Variants in ST6GALNAC3 observed in about 807,000 individuals in gnomAD.
ST6GALNAC3 encodes the protein ST6 N-acetylgalactosaminide alpha-2,6-sialyltransferase 3.
Under a neutral mutation model 32.7 loss-of-function variants are expected in ST6GALNAC3, and 25 were observed. The ratio of observed to expected loss-of-function variants is 0.76; its 90% CI spans 0.56 to 1.07. The LOEUF (loss-of-function observed/expected upper bound fraction) is 1.07. Among genes scored for constraint, ST6GALNAC3 ranks in the 50% least tolerant of loss-of-function variants. The pLI, the probability that ST6GALNAC3 is intolerant of heterozygous loss-of-function variation, is 0.00. For missense variants in ST6GALNAC3, 355 were observed against 382.4 expected (o/e 0.93, Z 0.60); for synonymous variants, 129 against 133.1 (o/e 0.97, Z 0.21).
At chr1:76,129,045 T>C (rs1189717228) in intron 1 of ST6GALNAC3, among the ~76,000 whole-genome samples, 1 of 152,148 alleles carries the variant, frequency 6.6e-6, no homozygotes, top group East Asian at 1.9e-4. Flanking sequence ...TCCCCAAACC[T>C]CTCTGCCCTG....
intron 2 of ST6GALNAC3, among the ~76,000 whole-genome samples, chr1:76,390,684 A>G (rs1405897302): frequency 6.6e-6 from 1 of 152,086 alleles, no homozygotes; most frequent in South Asian, 2.1e-4. Flanking sequence ...ACCATTGTGT[A>G]CCTCACAGCT....
intron 1 of ST6GALNAC3, among the ~76,000 whole-genome samples, chr1:76,157,666 A>G (rs902141551): frequency 6.6e-6 from 1 of 152,140 alleles, no homozygotes; most frequent in Non-Finnish European, 1.5e-5. Context: ...TTTAAAGTTT[A>G]TATATGTTAA....
chr1:76,200,222 A>G (rs567209299), intron 1 of ST6GALNAC3, among the ~76,000 whole-genome samples: 142 of 152,316 alleles, frequency 9.3e-4, no homozygotes, highest in Non-Finnish European at 1.7e-3. Context: ...AATTGGCTCT[A>G]TCATATTCCC....
intron 2 of ST6GALNAC3, among the ~76,000 whole-genome samples, chr1:76,319,058 T>C (rs1306330621): frequency 6.6e-6 from 1 of 152,204 alleles, no homozygotes; most frequent in Non-Finnish European, 1.5e-5. Context: ...CATTTACTGC[T>C]AGATGAAAGG....
chr1:76,284,360 G>A (rs775320952), intron 1 of ST6GALNAC3, among the ~76,000 whole-genome samples: 1 of 152,170 alleles, frequency 6.6e-6, no homozygotes, highest in Non-Finnish European at 1.5e-5. Context: ...GTAAGAAAAT[G>A]TTTATGAGGG....
At position 76,106,544 on chromosome 1, in the gene ST6GALNAC3, C is replaced by T. The variant is rs184342806; in HGVS notation, c.18+31660C>T. 7.9e-5 allele frequency among the ~76,000 whole-genome samples: 12 copies of T among 152,234 alleles called. No individual in the cohort carries two copies. The East Asian group carries it at 2.1e-3, about 27-fold the overall frequency. ...TAATTGTGTTTTCCATTTGATGGCC[C>T]CCAATGCTTTGTGTAGGAATTGGAT... is the stretch of plus-strand genomic sequence containing the variant. On this transcript the variant is annotated intron_variant, in intron 1 of 4. Coordinates refer to ENST00000328299, the MANE Select transcript of ST6GALNAC3 (RefSeq NM_152996.4).
chr1:76,418,088 G>C (rs1005001210), intron 3 of ST6GALNAC3, among the ~76,000 whole-genome samples: 1 of 152,084 alleles, frequency 6.6e-6, no homozygotes, highest in East Asian at 1.9e-4. Context: ...AGAAATCAGC[G>C]ATGTGTCATT....
chr1:76,233,488 A>G (rs1350540233), intron 1 of ST6GALNAC3, among the ~76,000 whole-genome samples: 1 of 152,224 alleles, frequency 6.6e-6, no homozygotes. Flanking sequence ...TCTACAGGAC[A>G]GTGAAGAATT....
chr1:76,495,799 C>A (rs1041551847), intron 3 of ST6GALNAC3, among the ~76,000 whole-genome samples: 1 of 152,060 alleles, frequency 6.6e-6, no homozygotes, highest in East Asian at 1.9e-4. Flanking sequence ...GATCTTGGAA[C>A]CCAGTGGGAA....
intron 3 of ST6GALNAC3, among the ~76,000 whole-genome samples, chr1:76,594,698 A>C (rs1647104794): frequency 6.6e-6 from 1 of 152,254 alleles, no homozygotes; most frequent in East Asian, 1.9e-4. Context: ...GGGCTCTTTA[A>C]CCTCTTTGAT....
chr1:76,628,890 G>T lies in ST6GALNAC3; in HGVS notation c.*84G>T. 1 of 1,566,160 alleles carries T rather than the reference G, an allele frequency of 6.4e-7. No homozygotes were observed. Among genetic ancestry groups the T allele is most frequent in the Non-Finnish European group, 8.6e-7 (1 of 1,164,248 alleles). ...TGCTGATGATGCTAATGGAGATGATGGTAATGATAAAGACAACAACAATGA... is the reference window on the plus strand; with the variant it reads ...TGCTGATGATGCTAATGGAGATGATTGTAATGATAAAGACAACAACAATGA... On this transcript the variant is annotated 3_prime_UTR_variant, in exon 5 of 5. Transcript: ENST00000328299.
intron 1 of ST6GALNAC3, among the ~76,000 whole-genome samples, chr1:76,245,161 G>T (rs1657186765): frequency 6.6e-6 from 1 of 152,094 alleles, no homozygotes; most frequent in African/African-American, 2.4e-5. Context: ...TTACTCTTGG[G>T]AGGGTGTATG....
At chr1:76,533,885 T>C (rs2101828532) in intron 3 of ST6GALNAC3, among the ~76,000 whole-genome samples, 1 of 152,270 alleles carries the variant, frequency 6.6e-6, no homozygotes, top group Non-Finnish European at 1.5e-5. Flanking sequence ...CCTTTCCCCC[T>C]CCCTGCAGAG....
intron 1 of ST6GALNAC3, among the ~76,000 whole-genome samples, chr1:76,206,169 C>T (rs1043448918): frequency 1.3e-5 from 2 of 152,086 alleles, no homozygotes. Context: ...TCTATGATTC[C>T]ATGGTGAAAG....
intron 1 of ST6GALNAC3, among the ~76,000 whole-genome samples, chr1:76,143,468 GAC>G (rs886296278): frequency 6.6e-6 from 1 of 151,730 alleles, no homozygotes; most frequent in African/African-American, 2.4e-5. Flanking sequence ...GTGGGAACAT[GAC>G]AGTGTAGACA....
At chr1:76,390,088 G>T (rs187977502) in intron 2 of ST6GALNAC3, among the ~76,000 whole-genome samples, 1 of 152,160 alleles carries the variant, frequency 6.6e-6, no homozygotes, top group Admixed American at 6.5e-5. Context: ...GGTTTTGATA[G>T]ATTTCCCCAT....
intron 3 of ST6GALNAC3, among the ~76,000 whole-genome samples, chr1:76,589,192 G>A (rs1647009151): frequency 6.6e-6 from 1 of 152,108 alleles, no homozygotes; most frequent in Non-Finnish European, 1.5e-5. Context: ...CACTGCTTTG[G>A]TTTCTGATAT....
chr1:76,494,745 A>G (rs1019822824), intron 3 of ST6GALNAC3, among the ~76,000 whole-genome samples: 4 of 145,216 alleles, frequency 2.8e-5, no homozygotes, highest in African/African-American at 1.0e-4. Context: ...ATGTGTATGC[A>G]CACACACACA....
In ST6GALNAC3 at chr1:76,225,007, CT is replaced by C. The variant is rs956769415; in HGVS notation, c.19-88797del. Reference sequence around the variant, plus strand: ...AGCTACCTAGGCAGATGGATGCTTCCTGATTTGTGGATTGGGAACACGAATT... The same window carrying C: ...AGCTACCTAGGCAGATGGATGCTTCCGATTTGTGGATTGGGAACACGAATT... On this transcript the variant is annotated intron_variant, in intron 1 of 4. Coordinates refer to ENST00000328299, the MANE Select transcript of ST6GALNAC3 (RefSeq NM_152996.4). Among the ~76,000 whole-genome samples the C allele has an allele frequency of 3.9e-5, 6 of 152,152 alleles. No homozygotes were observed. The South Asian group carries it at 6.2e-4, about 16-fold the overall frequency.
Sources: gnomAD v4.1 joint callset for allele counts (sites outside exome capture counted in the v4.1 genomes callset) on GRCh38, gnomAD v4.1.1 for gene constraint, MANE v1.5 for transcripts, NCBI Gene and HGNC (gene_info 2026-07-23, HGNC 2026-07-21) for gene names.